Variants in SNX1 observed in about 807,000 individuals in gnomAD.
SNX1 encodes sorting nexin 1.
Under a neutral mutation model 71.8 loss-of-function variants are expected in SNX1, and 36 were observed. The ratio of observed to expected loss-of-function variants is 0.50; its 90% CI spans 0.38 to 0.66. The LOEUF is 0.66. Ranked by LOEUF, SNX1 falls within the 30% of genes least tolerant of loss-of-function variation. The probability of loss-of-function intolerance (pLI) is 0.00; values close to 1 mark genes in which losing one functional copy is unlikely to be tolerated. For missense variants in SNX1, 612 were observed against 646.7 expected (o/e 0.95, Z 0.58); for synonymous variants, 254 against 240.7 (o/e 1.06, Z -0.51).
intron 11 of SNX1, among the ~76,000 whole-genome samples, chr15:64,132,777 C>G (rs1385745453): frequency 6.6e-6 from 1 of 152,218 alleles, no homozygotes; most frequent in Non-Finnish European, 1.5e-5. Flanking sequence ...CTGAGCTGCT[C>G]CCAGGCTGTC....
rs569334847 is a variant in SNX1, at chr15:64,135,517, G to A, written c.1365+710G>A. ...TCACGCCTGTAATACCAGCACTTTG[G>A]GAGGCCAAGGTGAGTGGATCACGAG... On this transcript the variant is annotated intron_variant, in intron 12 of 14. Coordinates refer to ENST00000559844, the MANE Select transcript of SNX1 (RefSeq NM_003099.5). 7.9e-5 allele frequency among the ~76,000 whole-genome samples: 12 copies of A among 151,420 alleles called. No individual in the cohort carries two copies. In the East Asian group the frequency reaches 1.6e-3, roughly 20 times the overall value.
intron 5 of SNX1, 109 bp from the exon 6 acceptor site, chr15:64,125,970 G>A: frequency 8.7e-7 from 1 of 1,153,554 alleles, no homozygotes; most frequent in South Asian, 1.3e-5. Context: ...CCAGGTGACT[G>A]AAGGGCAGGG....
chr15:64,123,816 C>G (rs767347004), intron 5 of SNX1, among the ~76,000 whole-genome samples: 1 of 152,096 alleles, frequency 6.6e-6, no homozygotes, highest in Admixed American at 6.5e-5. Context: ...CTTAGAGAAC[C>G]ATGTGGTTTG....
rs332257 is a variant in SNX1, at chr15:64,096,655, C to T, written c.159+483C>T. On this transcript the variant is annotated intron_variant, in intron 1 of 14. Transcript: ENST00000559844. ...AGCATTTACCGATAATAACCAAAGG[C>T]CCTTTCTGGATCTTAGTTTACAAAA... Among the ~76,000 whole-genome samples, 1,036 of 152,314 alleles carry T rather than the reference C, an allele frequency of 6.8e-3. 15 individuals carry two copies. Among genetic ancestry groups the T allele is most frequent in the African/African-American group, 0.023 (954 of 41,558 alleles).
At chr15:64,119,623 C>T (rs1291982636) in intron 4 of SNX1, among the ~76,000 whole-genome samples, 1 of 151,796 alleles carries the variant, frequency 6.6e-6, no homozygotes, top group Non-Finnish European at 1.5e-5. Flanking sequence ...ACTCAGGAGG[C>T]TGAGGCCAGA....
intron 4 of SNX1, among the ~76,000 whole-genome samples, chr15:64,120,264 G>A (rs2140146664): frequency 8.6e-6 from 1 of 116,408 alleles, no homozygotes; most frequent in South Asian, 2.6e-4. Context: ...CAAAATGGTT[G>A]TCTTTTTTTT....
chr15:64,127,731 G>A lies in SNX1; in HGVS notation c.732G>A (p.Arg244=). ...FLEKRRAALE[R]YLQRIVNHPT... The stretch of plus-strand genomic sequence containing the variant: ...CAGATGATAACTGCTTACCTTTTAG[G>A]TACCTTCAGAGGATTGTAAATCATC... Residue 244 remains arginine, a splice_region_variant and synonymous_variant, in exon 8 of 15, where the codon AGG becomes AGA. Transcript: ENST00000559844. The A allele has an allele frequency of 6.2e-7, 1 of 1,613,214 alleles. No homozygotes were observed. The highest frequency in any genetic ancestry group is 8.5e-7 in the Non-Finnish European group (1 of 1,179,248).
In SNX1 at chr15:64,139,878, T is replaced by C. The variant is rs1295346427; in HGVS notation, c.*2260T>C. 6.6e-6 allele frequency: 1 copy of C among 152,192 alleles called. No individual in the cohort carries two copies. The highest frequency in any genetic ancestry group is 6.5e-5 in the Admixed American group (1 of 15,286). 9.4% of individuals were successfully genotyped at this position (152,192 alleles called of 1,614,324 possible). The stretch of plus-strand genomic sequence containing the variant: ...GAAGAATACAGGCTATTTTGTCGAA[T>C]GTTCCTCAGTTTGGATTTGTGTGAT... On this transcript the variant is annotated 3_prime_UTR_variant, in exon 15 of 15. Transcript: ENST00000559844.
At position 64,131,799 on chromosome 15, in the gene SNX1, A is replaced by T. The variant is rs145312138; in HGVS notation, c.1128A>T (p.Lys376Asn). The change falls in exon 11 of 15, where the codon AAA becomes AAT. Residue 376 changes from lysine to asparagine, a missense_variant. Transcript: ENST00000559844. ...CCCAGCTGGCTGAGGTGGAAGAAAA[A>T]ATTGAGCAGCTCCACCAGGAACAGG... is the stretch of plus-strand genomic sequence containing the variant. ...ALSQLAEVEE[K>N]IEQLHQEQAN... 1.2e-6 allele frequency: 2 copies of T among 1,614,058 alleles called. No homozygotes were observed. The highest frequency in any genetic ancestry group is 1.3e-5 in the African/African-American group (1 of 74,900).
At chr15:64,110,458 G>A (rs1285425338) in intron 1 of SNX1, among the ~76,000 whole-genome samples, 1 of 152,182 alleles carries the variant, frequency 6.6e-6, no homozygotes, top group African/African-American at 2.4e-5. Context: ...GTGTAGTGGT[G>A]TGATCATGGC....
chr15:64,130,954 A>G (rs1839392438), intron 10 of SNX1, among the ~76,000 whole-genome samples: 1 of 151,828 alleles, frequency 6.6e-6, no homozygotes, highest in Non-Finnish European at 1.5e-5. Flanking sequence ...GGAGAAAAGA[A>G]TCTGTAGCAG....
At position 64,127,735 on chromosome 15, in the gene SNX1, C is replaced by A. The variant is rs761479506; in HGVS notation, c.736C>A (p.Leu246Ile). The stretch of plus-strand genomic sequence containing the variant: ...TGATAACTGCTTACCTTTTAGGTAC[C>A]TTCAGAGGATTGTAAATCATCCTAC... ...EKRRAALERY[L>I]QRIVNHPTML... The change falls in exon 8 of 15, where the codon CTT becomes ATT. Residue 246 changes from leucine (L) to isoleucine (I), a missense_variant. By Grantham distance (5) the Leu-to-Ile change is conservative (BLOSUM62 2). Coordinates refer to ENST00000559844, the MANE Select transcript of SNX1 (RefSeq NM_003099.5). 4.3e-6 allele frequency: 7 copies of A among 1,613,474 alleles called. No homozygotes were observed. In the South Asian group the frequency reaches 7.7e-5, roughly 18 times the overall value.
At chr15:64,120,306 C>T (rs2081183838) in intron 4 of SNX1, among the ~76,000 whole-genome samples, 2 of 119,100 alleles carry the variant, frequency 1.7e-5, no homozygotes, top group Admixed American at 1.2e-4. Flanking sequence ...GGGTCTCACT[C>T]TGTCACCCAG....
intron 1 of SNX1, among the ~76,000 whole-genome samples, chr15:64,102,389 T>C (rs1437867640): frequency 1.3e-5 from 2 of 152,236 alleles, no homozygotes; most frequent in African/African-American, 4.8e-5. Flanking sequence ...TATCTTTTTG[T>C]TGAGAACATT....
chr15:64,118,953 A>T, intron 4 of SNX1, 99 bp downstream of exon 4: 1 of 816,534 alleles, frequency 1.2e-6, no homozygotes, highest in Admixed American at 2.1e-5. Flanking sequence ...GAACTAGCCA[A>T]TGTGAAGTAC....
rs2081383401 is a variant in SNX1, at chr15:64,138,370, T to C, written c.*752T>C. 3.3e-5 allele frequency: 19 copies of C among 567,964 alleles called. No homozygotes were observed. The highest frequency in any genetic ancestry group is 3.5e-5 in the Non-Finnish European group (12 of 338,884). The allele number at this position is 567,964 out of a possible 1,614,324, so 35.2% of individuals were successfully genotyped here. A position where few individuals can be genotyped will look rare whatever the true frequency, so the allele number is the denominator to read the frequency against. On this transcript the variant is annotated 3_prime_UTR_variant, in exon 15 of 15. Coordinates refer to ENST00000559844, the MANE Select transcript of SNX1 (RefSeq NM_003099.5). The stretch of plus-strand genomic sequence containing the variant: ...GTCCCTATCATTAAGCAAGAGCCTT[T>C]CTCTTTTATTCTTCCTGCTTCCCTA...
chr15:64,119,499 G>A (rs150835732), intron 4 of SNX1, among the ~76,000 whole-genome samples: 1,876 of 152,230 alleles, frequency 0.012, 36 homozygotes, highest in African/African-American at 0.043. Context: ...GGAGGCCAAG[G>A]CAGGCAGATC....
At chr15:64,116,837 T>A (rs2081134368) in intron 2 of SNX1, among the ~76,000 whole-genome samples, 1 of 152,224 alleles carries the variant, frequency 6.6e-6, no homozygotes, top group Non-Finnish European at 1.5e-5. Flanking sequence ...ATGCTATTTT[T>A]AAAGTCCCTT....
chr15:64,137,631 C>G lies in SNX1; in HGVS notation c.*13C>G. 1 of 1,614,174 alleles carries G rather than the reference C, an allele frequency of 6.2e-7. No individual in the cohort carries two copies. Among genetic ancestry groups the G allele is most frequent in the Non-Finnish European group, 8.5e-7 (1 of 1,180,008 alleles). On this transcript the variant is annotated 3_prime_UTR_variant, in exon 15 of 15. Transcript: ENST00000559844. The stretch of plus-strand genomic sequence containing the variant: ...GGCCATCTCCTAATGGACCAAGGAC[C>G]CCAGAGCCCACCTGTGTGACGCTGC...
Sources: gnomAD v4.1 joint callset for allele counts (sites outside exome capture counted in the v4.1 genomes callset) on GRCh38, gnomAD v4.1.1 for gene constraint, MANE v1.5 for transcripts, NCBI Gene and HGNC (gene_info 2026-07-23, HGNC 2026-07-21) for gene names.